The following ATP8A2 variants were observed in gnomAD, a reference collection of about 807,000 sequenced individuals.
ATP8A2 encodes ATPase phospholipid transporting 8A2.
In ATP8A2, 100 loss-of-function variants were observed where a neutral mutation model predicts 165.6. The ratio of observed to expected loss-of-function variants is 0.60; its 90% CI spans 0.51 to 0.71. The LOEUF (loss-of-function observed/expected upper bound fraction) is 0.71, where lower values mean the gene tolerates loss of function less well. Ranked by LOEUF, ATP8A2 falls within the 30% of genes least tolerant of loss-of-function variation. The probability of loss-of-function intolerance (pLI) is 0.00; values close to 1 mark genes in which losing one functional copy is unlikely to be tolerated. For synonymous variants in ATP8A2, 543 were observed against 548.8 expected (o/e 0.99, Z 0.15); for missense variants, 1,227 against 1,479.5 (o/e 0.83, Z 2.80).
intron 1 of ATP8A2, among the ~76,000 whole-genome samples, chr13:25,441,615 C>A (rs1326518798): frequency 6.6e-6 from 1 of 152,138 alleles, no homozygotes; most frequent in African/African-American, 2.4e-5. Context: ...TTTAGATATA[C>A]TTTTTATAAA....
chr13:25,998,363 C>A (rs543745429), intron 35 of ATP8A2, among the ~76,000 whole-genome samples: 2 of 152,130 alleles, frequency 1.3e-5, no homozygotes, highest in Admixed American at 1.3e-4. Flanking sequence ...TGGAGAGCCT[C>A]ATAACAGTCT....
chr13:25,828,625 A>G (rs553638932), intron 28 of ATP8A2, among the ~76,000 whole-genome samples: 5 of 152,340 alleles, frequency 3.3e-5, no homozygotes, highest in African/African-American at 1.2e-4. Context: ...CTGAAAGGGT[A>G]TCTGTCCTTG....
intron 35 of ATP8A2, among the ~76,000 whole-genome samples, chr13:25,995,727 C>G (rs968788210): frequency 5.3e-5 from 8 of 151,816 alleles, no homozygotes; most frequent in African/African-American, 9.7e-5. Context: ...TTATATATTC[C>G]ATGTGCACAT....
chr13:25,757,935 C>T (rs1232962566), intron 25 of ATP8A2, among the ~76,000 whole-genome samples: 2 of 152,194 alleles, frequency 1.3e-5, no homozygotes, highest in Non-Finnish European at 2.9e-5. Flanking sequence ...CATGCTGCAG[C>T]TTCCAGCCCA....
At chr13:25,672,742 G>A (rs992067943) in intron 24 of ATP8A2, among the ~76,000 whole-genome samples, 4 of 152,142 alleles carry the variant, frequency 2.6e-5, no homozygotes, top group African/African-American at 9.7e-5. Context: ...ATCAAAATCT[G>A]TACCAGTAGG....
chr13:25,517,267 C>G (rs2037510245), intron 2 of ATP8A2: 1 of 151,856 alleles, frequency 6.6e-6, no homozygotes, highest in African/African-American at 2.4e-5. Context: ...TTGGGTAAAA[C>G]CTGCTTTTCA....
intron 35 of ATP8A2, among the ~76,000 whole-genome samples, chr13:26,003,832 T>C (rs1302878956): frequency 6.6e-6 from 1 of 152,196 alleles, no homozygotes; most frequent in Non-Finnish European, 1.5e-5. Flanking sequence ...TGACCATAAA[T>C]GTACGGGTTT....
chr13:25,610,883 C>CTTTT (rs56730760), intron 24 of ATP8A2, among the ~76,000 whole-genome samples: 1,381 of 120,624 alleles, frequency 0.011, 54 homozygotes, highest in African/African-American at 0.043. Context: ...AGGTATATTC[C>CTTTT]TTTTTTTTTT....
chr13:25,601,222 G>A lies in ATP8A2; in HGVS notation c.2211+11523G>A, dbSNP rs554221841. 1.1e-4 allele frequency among the ~76,000 whole-genome samples: 17 copies of A among 152,060 alleles called. No homozygotes were observed. The South Asian group carries it at 1.7e-3, about 15-fold the overall frequency. ...CTATGGTAAATTCTCATAGTAAGTC[G>A]TAGTTAACTATTTTCAACTTTTCTT... On this transcript the variant is annotated intron_variant, in intron 24 of 36. Coordinates refer to ENST00000381655, the MANE Select transcript of ATP8A2 (RefSeq NM_016529.6).
intron 24 of ATP8A2, among the ~76,000 whole-genome samples, chr13:25,638,201 T>G (rs920143835): frequency 2.0e-5 from 3 of 152,022 alleles, no homozygotes. Context: ...TAAGAGCACC[T>G]CTCCCCCTCC....
chr13:25,845,512 A>G (rs1283890242), intron 30 of ATP8A2, among the ~76,000 whole-genome samples: 1 of 152,208 alleles, frequency 6.6e-6, no homozygotes, highest in African/African-American at 2.4e-5. Context: ...CCGTTTAAGG[A>G]GAATACCATA....
intron 1 of ATP8A2, among the ~76,000 whole-genome samples, chr13:25,406,904 GTC>G (rs1173590804): frequency 9.8e-5 from 15 of 152,358 alleles, no homozygotes; most frequent in African/African-American, 3.6e-4. Flanking sequence ...AGATGGCCAT[GTC>G]TCTCAGATCG....
At chr13:25,724,543 T>C (rs974539871) in intron 25 of ATP8A2, among the ~76,000 whole-genome samples, 1 of 152,250 alleles carries the variant, frequency 6.6e-6, no homozygotes, top group Admixed American at 6.5e-5. Context: ...AACTCCCTTA[T>C]GAGCTGAGAG....
At chr13:25,541,805 A>AT in intron 8 of ATP8A2, 114 bp from the exon 9 acceptor site, 1 of 1,155,214 alleles carries the variant, frequency 8.7e-7, no homozygotes, top group South Asian at 1.7e-5. Context: ...AGCCCCCCAA[A>AT]TTATTGCACT....
At chr13:25,476,922 A>G (rs773717604) in intron 2 of ATP8A2, among the ~76,000 whole-genome samples, 5 of 152,144 alleles carry the variant, frequency 3.3e-5, no homozygotes, top group Non-Finnish European at 7.3e-5. Context: ...TCACCTTTAC[A>G]CCCCTGGACA....
intron 33 of ATP8A2, among the ~76,000 whole-genome samples, chr13:25,925,089 T>C (rs985775563): frequency 6.6e-6 from 1 of 152,186 alleles, no homozygotes; most frequent in African/African-American, 2.4e-5. Context: ...TTCTCAGTAA[T>C]AACTAACCAG....
chr13:26,004,438 A>G (rs1295159122), intron 35 of ATP8A2, among the ~76,000 whole-genome samples: 1 of 152,128 alleles, frequency 6.6e-6, no homozygotes. Flanking sequence ...TATACATAGC[A>G]TTATGTGTAC....
At chr13:25,585,210 C>G (rs1272184181) in intron 23 of ATP8A2, among the ~76,000 whole-genome samples, 5 of 152,208 alleles carry the variant, frequency 3.3e-5, no homozygotes, top group Non-Finnish European at 5.9e-5. Context: ...TTTATGCTAA[C>G]TAGCTGTGTT....
chr13:25,815,033 CA>C (rs57301278), intron 27 of ATP8A2, among the ~76,000 whole-genome samples: 2,304 of 136,930 alleles, frequency 0.017, 40 homozygotes, highest in African/African-American at 0.049. Flanking sequence ...GACCTTGTTT[CA>C]AAAAAAAAAA....
Sources: allele counts gnomAD v4.1 joint callset (sites outside exome capture counted in the v4.1 genomes callset), GRCh38; gene constraint gnomAD v4.1.1; transcripts MANE v1.5; gene names NCBI Gene and HGNC (gene_info 2026-07-23, HGNC 2026-07-21).